F2RL1: variants seen among roughly 807,000 people sequenced by gnomAD.
The protein encoded by F2RL1 is proteinase-activated receptor 2.
A neutral mutation model predicts 21.7 loss-of-function variants in F2RL1; 16 were observed. The observed-to-expected ratio is 0.74, with a 90% CI of 0.50 to 1.12. The LOEUF is 1.12. Among genes scored for constraint, F2RL1 ranks in the 50% most tolerant of loss-of-function variants. F2RL1 has a pLI of 0.00. For synonymous variants in F2RL1, 181 were observed against 186.7 expected, an observed-to-expected ratio of 0.97 and a Z score of 0.25; for missense variants, 432 against 477.8, an observed-to-expected ratio of 0.90 and a Z score of 0.89.
Position 76,833,849 on chromosome 5 carries a change from GTTTAATGT to G in F2RL1, c.*50_*57del. ...AATTGCACAGTAGGATGTGGAACCT[GTTTAATGT>G]TATGAGGACGTGTCTGTTATTTCCT... On this transcript the variant is annotated 3_prime_UTR_variant, in exon 2 of 2. Coordinates refer to ENST00000296677, the MANE Select transcript of F2RL1 (RefSeq NM_005242.6). The G allele has an allele frequency of 6.4e-7, 1 of 1,568,686 alleles. No homozygotes were observed. Among genetic ancestry groups the G allele is most frequent in the East Asian group, 2.3e-5 (1 of 44,434 alleles).
chr5:76,832,616 T>G, intron 1 of F2RL1, 74 bp from the exon 2 acceptor site: 1 of 1,389,772 alleles, frequency 7.2e-7, no homozygotes, highest in Non-Finnish European at 9.8e-7. Context: ...TGAATGTACT[T>G]TCATTTGAAC....
chr5:76,823,395 G>A (rs1327332210), intron 1 of F2RL1, among the ~76,000 whole-genome samples: 27 of 143,788 alleles, frequency 1.9e-4, no homozygotes, highest in African/African-American at 7.0e-4. Context: ...TTTTGAGATG[G>A]AGTCTCGCTG....
intron 1 of F2RL1, 65 bp downstream of exon 1, chr5:76,819,329 G>A (rs563920961): frequency 7.1e-7 from 1 of 1,404,008 alleles, no homozygotes; most frequent in African/African-American, 1.4e-5. Flanking sequence ...ACGCTGGGCA[G>A]ACGGTGGGAT....
At chr5:76,820,546 G>A (rs746262005) in intron 1 of F2RL1, among the ~76,000 whole-genome samples, 1 of 152,076 alleles carries the variant, frequency 6.6e-6, no homozygotes, top group Non-Finnish European at 1.5e-5. Context: ...TTAGTTCCAG[G>A]AAGTATTGAA....
Position 76,819,235 on chromosome 5 carries a change from CCT to C in F2RL1, c.61_62del (p.Ser21LeufsTer10), listed in dbSNP as rs1750082769. ...CTGGGGGCCGCCATCCTGCTAGCAG[CCT>C]CTCTCTCCTGCAGTGGCACCATCCA... On this transcript the variant is annotated frameshift_variant, in exon 1 of 2. Coordinates refer to ENST00000296677, the MANE Select transcript of F2RL1 (RefSeq NM_005242.6). LOFTEE classifies it high-confidence loss of function. 2 of 1,592,366 alleles carry C rather than the reference CCT, an allele frequency of 1.3e-6. No individual in the cohort carries two copies. Among genetic ancestry groups the C allele is most frequent in the Non-Finnish European group, 1.7e-6 (2 of 1,177,884 alleles).
intron 1 of F2RL1, among the ~76,000 whole-genome samples, chr5:76,825,639 A>G (rs1027430263): frequency 2.0e-5 from 3 of 152,154 alleles, no homozygotes; most frequent in Non-Finnish European, 2.9e-5. Context: ...CTGGTTGACA[A>G]TTGGGAGCTG....
chr5:76,825,227 G>T (rs1374779181), intron 1 of F2RL1, among the ~76,000 whole-genome samples: 1 of 151,624 alleles, frequency 6.6e-6, no homozygotes, highest in Non-Finnish European at 1.5e-5. Context: ...GGATGGTCTC[G>T]ATCTCTTGAT....
At chr5:76,827,600 CTTTT>C (rs70982643) in intron 1 of F2RL1, among the ~76,000 whole-genome samples, 2 of 104,978 alleles carry the variant, frequency 1.9e-5, no homozygotes, top group Admixed American at 1.2e-4. Flanking sequence ...CATATAGTAA[CTTTT>C]TTTTTTTTTT....
intron 1 of F2RL1, among the ~76,000 whole-genome samples, chr5:76,821,335 C>G (rs1750131303): frequency 6.6e-6 from 1 of 152,136 alleles, no homozygotes; most frequent in Non-Finnish European, 1.5e-5. Context: ...ACCATCCTTT[C>G]CATCACGTCT....
At chr5:76,823,813 CTT>C (rs5868840) in intron 1 of F2RL1, among the ~76,000 whole-genome samples, 8 of 127,208 alleles carry the variant, frequency 6.3e-5, no homozygotes, top group Admixed American at 8.6e-5. Context: ...TCTGTACAAA[CTT>C]TTTTTTTTTT....
intron 1 of F2RL1, among the ~76,000 whole-genome samples, chr5:76,821,861 A>C (rs1750141985): frequency 6.6e-6 from 1 of 152,088 alleles, no homozygotes; most frequent in South Asian, 2.1e-4. Flanking sequence ...GATTACAGGC[A>C]TGAGCTACTG....
intron 1 of F2RL1, among the ~76,000 whole-genome samples, chr5:76,829,263 C>CT (rs57404989): frequency 4.9e-3 from 224 of 46,058 alleles, no homozygotes; most frequent in South Asian, 0.019. Flanking sequence ...TCTTCTTCTT[C>CT]TTTTTTTTTT....
intron 1 of F2RL1, among the ~76,000 whole-genome samples, chr5:76,823,887 G>A (rs4380630): frequency 0.56 from 82,302 of 147,828 alleles, 23,396 homozygotes; most frequent in South Asian, 0.72. Flanking sequence ...ATCTCAGCTC[G>A]CTGTAAGCTC....
chr5:76,830,185 C>T (rs577440073), intron 1 of F2RL1, among the ~76,000 whole-genome samples: 1 of 152,306 alleles, frequency 6.6e-6, no homozygotes, highest in East Asian at 1.9e-4. Flanking sequence ...TTGGCCTGTT[C>T]CTTGATGTGA....
chr5:76,833,323 T>G lies in F2RL1; in HGVS notation c.716T>G (p.Met239Arg). The G allele has an allele frequency of 6.2e-7, 1 of 1,613,992 alleles. No individual in the cohort carries two copies. Among genetic ancestry groups the G allele is most frequent in the Non-Finnish European group, 8.5e-7 (1 of 1,180,012 alleles). The change falls in exon 2 of 2, where the codon ATG (methionine) becomes AGG (arginine). Residue 239 changes from methionine to arginine, a missense_variant. Met to Arg is a moderately conservative substitution (Grantham distance 91). Coordinates refer to ENST00000296677, the MANE Select transcript of F2RL1 (RefSeq NM_005242.6). Reference protein sequence around the residue: ...VLPEQLLVGDMFNYFLSLAIG... With the variant: ...VLPEQLLVGDRFNYFLSLAIG... The stretch of plus-strand genomic sequence containing the variant: ...CCTGAGCAGCTCTTGGTGGGAGACA[T>G]GTTCAATTACTTCCTCTCTCTGGCC...
intron 1 of F2RL1, among the ~76,000 whole-genome samples, chr5:76,824,395 G>C (rs1410622574): frequency 6.6e-6 from 1 of 151,314 alleles, no homozygotes; most frequent in Non-Finnish European, 1.5e-5. Context: ...GCAGTGGTGT[G>C]ATCTCAGCTC....
intron 1 of F2RL1, 61 bp from the exon 2 acceptor site, chr5:76,832,629 A>G: frequency 6.9e-7 from 1 of 1,449,962 alleles, no homozygotes; most frequent in South Asian, 1.4e-5. Flanking sequence ...ATTTGAACAA[A>G]CCAGTGTTAC....
rs1354156776 is a variant in F2RL1 at position 76,819,242 on chromosome 5, C to T, written c.60C>T (p.Leu20=). The change falls in exon 1 of 2, where the codon CTC becomes CTT. Residue 20 remains leucine (L), a synonymous_variant. Transcript: ENST00000296677. ...LGAAILLAAS[L]SCSGTIQGTS... ...CCGCCATCCTGCTAGCAGCCTCTCT[C>T]TCCTGCAGTGGCACCATCCAAGGTG... 1.9e-6 allele frequency: 3 copies of T among 1,592,808 alleles called. No homozygotes were observed. Among genetic ancestry groups the T allele is most frequent in the Non-Finnish European group, 2.5e-6 (3 of 1,178,018 alleles).
At position 76,833,672 on chromosome 5, in the gene F2RL1, A is replaced by G; in HGVS notation, c.1065A>G (p.Ala355=). 6.2e-7 allele frequency: 1 copy of G among 1,614,078 alleles called. No homozygotes were observed. Among genetic ancestry groups the G allele is most frequent in the Non-Finnish European group, 8.5e-7 (1 of 1,180,024 alleles). ...TTTCACATGATTTCAGGGATCATGC[A>G]AAGAACGCTCTCCTTTGCCGAAGTG... The part of the protein sequence containing the change: ...YFVSHDFRDH[A]KNALLCRSVR... Residue 355 remains alanine, a synonymous_variant, in exon 2 of 2, where the codon GCA becomes GCG. Transcript: ENST00000296677.
Sources: gnomAD v4.1 joint callset for allele counts (sites outside exome capture counted in the v4.1 genomes callset) on GRCh38, gnomAD v4.1.1 for gene constraint, MANE v1.5 for transcripts, NCBI Gene and HGNC (gene_info 2026-07-23, HGNC 2026-07-21) for gene names.